Variants in MCHR2 observed in about 807,000 individuals in gnomAD.
The protein encoded by MCHR2 is melanin concentrating hormone receptor 2.
In MCHR2, 15 loss-of-function variants were observed where a neutral mutation model predicts 24.8. The ratio of observed to expected loss-of-function variants is 0.60; its 90% CI spans 0.40 to 0.93. MCHR2 has a LOEUF of 0.93. Among genes scored for constraint, MCHR2 ranks in the 40% least tolerant of loss-of-function variants. The pLI is 0.00. For synonymous variants in MCHR2, 151 were observed against 147.6 expected, an observed-to-expected ratio of 1.02 and a Z score of -0.17; for missense variants, 386 against 408.7, an observed-to-expected ratio of 0.94 and a Z score of 0.48.
At position 99,969,473 on chromosome 6, in the gene MCHR2, CAAA is replaced by C. The variant is rs1214316677; in HGVS notation, c.-27-13302_-27-13300del. Among the ~76,000 whole-genome samples, 10 of 76,830 alleles carry C rather than the reference CAAA, an allele frequency of 1.3e-4. No homozygotes were observed. The East Asian group carries it at 4.7e-3, about 36-fold the overall frequency. 50.4% of individuals were successfully genotyped at this position (76,830 alleles called of 152,430 possible). A position where few individuals can be genotyped will look rare whatever the true frequency, so the allele number is the denominator to read the frequency against. ...GGGTGAGAAGAGCAAGACTCCATCT[CAAA>C]AAAAAAAAAAAAAAAAGAAAAGAAA... On this transcript the variant is annotated intron_variant, in intron 1 of 5. Coordinates refer to ENST00000281806, the MANE Select transcript of MCHR2 (RefSeq NM_001040179.2).
At chr6:99,969,268 G>T (rs201372711) in intron 1 of MCHR2, among the ~76,000 whole-genome samples, 3 of 152,006 alleles carry the variant, frequency 2.0e-5, no homozygotes, top group Admixed American at 1.3e-4. Context: ...GATGTTAGGA[G>T]TTCAAGACCA....
chr6:99,982,218 G>A (rs903234223), intron 1 of MCHR2, among the ~76,000 whole-genome samples: 1 of 151,918 alleles, frequency 6.6e-6, no homozygotes, highest in East Asian at 1.9e-4. Flanking sequence ...TCAGTCTTTT[G>A]TGGTCCATTT....
chr6:99,976,591 C>T (rs1775555987), intron 1 of MCHR2, among the ~76,000 whole-genome samples: 1 of 152,220 alleles, frequency 6.6e-6, no homozygotes, highest in Admixed American at 6.5e-5. Flanking sequence ...TGGCTGCTGC[C>T]AGCTAGCCAC....
At chr6:99,928,780 A>G (rs1367718425) in intron 5 of MCHR2, among the ~76,000 whole-genome samples, 2 of 152,134 alleles carry the variant, frequency 1.3e-5, no homozygotes, top group African/African-American at 4.8e-5. Context: ...GATCATTTCA[A>G]AAAACCAGCT....
intron 5 of MCHR2, among the ~76,000 whole-genome samples, chr6:99,931,822 C>T (rs186312501): frequency 3.0e-4 from 45 of 152,298 alleles, no homozygotes; most frequent in East Asian, 1.5e-3. Context: ...TGCTTTGGTT[C>T]GCTCACGGTG....
chr6:99,938,262 T>G (rs1774704656), intron 4 of MCHR2, among the ~76,000 whole-genome samples: 2 of 152,024 alleles, frequency 1.3e-5, no homozygotes, highest in South Asian at 4.1e-4. Context: ...TTGTTGCCTT[T>G]CTAATTCTTT....
At chr6:99,972,193 G>A (rs1415298351) in intron 1 of MCHR2, among the ~76,000 whole-genome samples, 1 of 152,122 alleles carries the variant, frequency 6.6e-6, no homozygotes, top group Non-Finnish European at 1.5e-5. Flanking sequence ...TCTGGTTCTG[G>A]ACTCTTTTTG....
chr6:99,969,266 G>T (rs1239683908), intron 1 of MCHR2, among the ~76,000 whole-genome samples: 2 of 151,920 alleles, frequency 1.3e-5, no homozygotes, highest in African/African-American at 2.4e-5. Flanking sequence ...ACGATGTTAG[G>T]AGTTCAAGAC....
At chr6:99,977,821 C>T (rs546492490) in intron 1 of MCHR2, among the ~76,000 whole-genome samples, 3 of 152,236 alleles carry the variant, frequency 2.0e-5, no homozygotes, top group Non-Finnish European at 4.4e-5. Flanking sequence ...GAAGACTCAT[C>T]TACTTAAAAA....
intron 1 of MCHR2, among the ~76,000 whole-genome samples, chr6:99,990,711 A>G (rs1562138582): frequency 6.6e-6 from 1 of 151,824 alleles, no homozygotes; most frequent in East Asian, 1.9e-4. Context: ...ATAATCATAA[A>G]CTTTTCCCTG....
rs548597833 is a variant in MCHR2 at position 99,991,294 on chromosome 6, G to A, written c.-28+2642C>T. Among the ~76,000 whole-genome samples the A allele has an allele frequency of 2.6e-4, 39 of 152,176 alleles. No individual in the cohort carries two copies. The East Asian group carries it at 7.4e-3, about 29-fold the overall frequency. ...CTCAGGGAAGCTGGGAGACAGATGG[G>A]GCTGGAGGACAGAGCTGCTTGGGCT... is the stretch of plus-strand genomic sequence containing the variant. On this transcript the variant is annotated intron_variant, in intron 1 of 5. Coordinates refer to ENST00000281806, the MANE Select transcript of MCHR2 (RefSeq NM_001040179.2).
intron 1 of MCHR2, among the ~76,000 whole-genome samples, chr6:99,993,277 A>G (rs9376645): frequency 5.3e-5 from 8 of 152,104 alleles, no homozygotes; most frequent in African/African-American, 1.4e-4. Flanking sequence ...CCACCTGCCT[A>G]CTTTCCCCAG....
intron 1 of MCHR2, among the ~76,000 whole-genome samples, chr6:99,983,988 G>A (rs1303930116): frequency 6.6e-6 from 1 of 152,056 alleles, no homozygotes; most frequent in African/African-American, 2.4e-5. Flanking sequence ...TTCTGATTAG[G>A]TATTCTTTAG....
At chr6:99,953,792 T>G (rs1235565764) in intron 2 of MCHR2, among the ~76,000 whole-genome samples, 1 of 152,120 alleles carries the variant, frequency 6.6e-6, no homozygotes, top group Non-Finnish European at 1.5e-5. Context: ...AAAGAAAAAT[T>G]TAAAATGCTT....
chr6:99,952,547 C>T (rs1387781365), intron 2 of MCHR2, among the ~76,000 whole-genome samples: 2 of 147,164 alleles, frequency 1.4e-5, no homozygotes, highest in Non-Finnish European at 3.0e-5. Flanking sequence ...TTTATTTCTC[C>T]TTATCATTAC....
chr6:99,953,556 A>T (rs914597662), intron 2 of MCHR2, among the ~76,000 whole-genome samples: 7 of 152,010 alleles, frequency 4.6e-5, no homozygotes, highest in South Asian at 4.1e-4. Flanking sequence ...TCTTTCCTGG[A>T]ACTTATCTGA....
intron 1 of MCHR2, among the ~76,000 whole-genome samples, chr6:99,972,315 T>C (rs1303383438): frequency 6.6e-6 from 1 of 152,230 alleles, no homozygotes; most frequent in Non-Finnish European, 1.5e-5. Flanking sequence ...GAGGAATTTA[T>C]CCATTTCTTC....
In MCHR2 at chr6:99,934,478, A is replaced by AG. The variant is rs1774611827; in HGVS notation, c.626dup (p.Leu210SerfsTer23). On this transcript the variant is annotated frameshift_variant, in exon 5 of 6. Coordinates refer to ENST00000281806, the MANE Select transcript of MCHR2 (RefSeq NM_001040179.2). LOFTEE classifies it high-confidence loss of function. ...TATAGCACACCAAAATCAAGGGTAG[A>AG]GGGAAAAAAAAAGTTGTTATCGTCA... 1.9e-6 allele frequency: 3 copies of AG among 1,604,364 alleles called. No individual in the cohort carries two copies. Among genetic ancestry groups the AG allele is most frequent in the Non-Finnish European group, 2.6e-6 (3 of 1,176,032 alleles).
chr6:99,963,087 A>G (rs1385579420), intron 1 of MCHR2, among the ~76,000 whole-genome samples: 2 of 150,778 alleles, frequency 1.3e-5, no homozygotes, highest in African/African-American at 4.9e-5. Context: ...CTAGCAAACA[A>G]TAAAAACATA....
Sources: allele counts gnomAD v4.1 joint callset (sites outside exome capture counted in the v4.1 genomes callset), GRCh38; gene constraint gnomAD v4.1.1; transcripts MANE v1.5; gene names NCBI Gene and HGNC (gene_info 2026-07-23, HGNC 2026-07-21).